The following CAPN7 variants were observed in gnomAD, a reference collection of about 807,000 sequenced individuals.
CAPN7 encodes calpain 7, also known as calpain-7.
Under a neutral mutation model 115.2 loss-of-function variants are expected in CAPN7, and 72 were observed. The ratio of observed to expected loss-of-function variants is 0.63; its 90% CI spans 0.52 to 0.76. CAPN7 has a LOEUF of 0.76. Among genes scored for constraint, CAPN7 ranks in the 30% least tolerant of loss-of-function variants. CAPN7 has a pLI of 0.00. For synonymous variants in CAPN7, 344 were observed against 322.3 expected, an observed-to-expected ratio of 1.07 and a Z score of -0.72; for missense variants, 905 against 971.5, an observed-to-expected ratio of 0.93 and a Z score of 0.91.
At chr3:15,244,431 C>T (rs977642845) in intron 16 of CAPN7, among the ~76,000 whole-genome samples, 2 of 152,092 alleles carry the variant, frequency 1.3e-5, no homozygotes, top group African/African-American at 4.8e-5. Context: ...ATAGGACAGG[C>T]CTTGTTCCCT....
intron 1 of CAPN7, among the ~76,000 whole-genome samples, chr3:15,208,062 G>T (rs1209103424): frequency 6.6e-6 from 1 of 152,120 alleles, no homozygotes; most frequent in African/African-American, 2.4e-5. Flanking sequence ...ATGACATTAT[G>T]ATGGCTATGA....
chr3:15,207,581 C>G (rs1176688259), intron 1 of CAPN7, among the ~76,000 whole-genome samples: 2 of 151,624 alleles, frequency 1.3e-5, no homozygotes, highest in South Asian at 4.1e-4. Context: ...TTAAAACGAA[C>G]TTATTGTGCA....
intron 8 of CAPN7, 41 bp from the exon 9 acceptor site, chr3:15,230,401 T>C (rs1207136432): frequency 2.3e-6 from 3 of 1,303,000 alleles, no homozygotes; most frequent in East Asian, 2.3e-5. Context: ...TGATATTGAA[T>C]ACTAATGTTG....
rs933683979 is a variant in CAPN7, at chr3:15,206,247, A to G, written c.-249A>G. The G allele has an allele frequency of 2.7e-6, 1 of 369,074 alleles. No homozygotes were observed. Among genetic ancestry groups the G allele is most frequent in the Non-Finnish European group, 4.9e-6 (1 of 203,446 alleles). 22.9% of individuals were successfully genotyped at this position (369,074 alleles called of 1,614,324 possible). A position where few individuals can be genotyped will look rare whatever the true frequency, so the allele number is the denominator to read the frequency against. On this transcript the variant is annotated 5_prime_UTR_variant, in exon 1 of 21. Coordinates refer to ENST00000253693, the MANE Select transcript of CAPN7 (RefSeq NM_014296.3). ...CGTCGGGCGGCTGGTGGGCGGGGCG[A>G]GGGCCGCTGGGGCCGCGAAGTGGGG...
At chr3:15,246,863 C>T in intron 18 of CAPN7, 69 bp downstream of exon 18, 2 of 1,188,042 alleles carry the variant, frequency 1.7e-6, no homozygotes, top group East Asian at 2.4e-5. Flanking sequence ...TCCCATTTCT[C>T]TCATTTTATT....
chr3:15,223,145 A>G (rs1156248754), intron 5 of CAPN7, among the ~76,000 whole-genome samples: 3 of 152,202 alleles, frequency 2.0e-5, no homozygotes, highest in Non-Finnish European at 2.9e-5. Flanking sequence ...TTCCAAAATA[A>G]CTTAAGCAAT....
intron 4 of CAPN7, among the ~76,000 whole-genome samples, chr3:15,219,692 A>T (rs1353605403): frequency 6.6e-6 from 1 of 152,198 alleles, no homozygotes; most frequent in African/African-American, 2.4e-5. Flanking sequence ...TTTTTTGCAT[A>T]TAATTTCAGA....
rs773171791 is a variant in CAPN7, at chr3:15,240,849, C to G, written c.1648C>G (p.His550Asp). The part of the protein sequence containing the change: ...PGLFKESTCI[H>D]STWDAKQGPV... The stretch of plus-strand genomic sequence containing the variant: ...TCTTTTTAAAGAATCAACATGTATT[C>G]ACAGGTAACTTTTTGCACATTGCAG... Residue 550 changes from histidine (H) to aspartate (D), a missense_variant, in exon 14 of 21, where the codon CAC (histidine) becomes GAC (aspartate). Coordinates refer to ENST00000253693, the MANE Select transcript of CAPN7 (RefSeq NM_014296.3). 1.9e-6 allele frequency: 3 copies of G among 1,590,852 alleles called. No homozygotes were observed. The South Asian group carries it at 3.3e-5, about 18-fold the overall frequency.
intron 2 of CAPN7, among the ~76,000 whole-genome samples, chr3:15,214,101 C>T (rs1487826439): frequency 6.6e-6 from 1 of 151,992 alleles, no homozygotes; most frequent in Non-Finnish European, 1.5e-5. Flanking sequence ...AGGATGGTCT[C>T]GATCTCCTGA....
intron 19 of CAPN7, among the ~76,000 whole-genome samples, chr3:15,250,428 G>C (rs1000808085): frequency 6.6e-6 from 1 of 152,054 alleles, no homozygotes; most frequent in Admixed American, 6.5e-5. Flanking sequence ...CAGCACTTTG[G>C]AAGGCCGAGG....
intron 16 of CAPN7, among the ~76,000 whole-genome samples, chr3:15,244,715 A>G (rs577538999): frequency 1.3e-4 from 20 of 152,346 alleles, no homozygotes; most frequent in Non-Finnish European, 2.4e-4. Flanking sequence ...TGATGGGACT[A>G]TCAAATAATA....
rs1413160556 is a variant in CAPN7 at position 15,245,512 on chromosome 3, T to G, written c.1865-14T>G. 8.7e-6 allele frequency: 14 copies of G among 1,605,290 alleles called. No homozygotes were observed. The highest frequency in any genetic ancestry group is 1.2e-5 in the Non-Finnish European group (14 of 1,176,680). ...AAAGTCTCCTTTTCTCTAAGCCTACTTGTTTGTTTGCAGCTGACCCACCTC... is the reference window on the plus strand; with the variant it reads ...AAAGTCTCCTTTTCTCTAAGCCTACGTGTTTGTTTGCAGCTGACCCACCTC... On this transcript the variant is annotated splice_polypyrimidine_tract_variant and intron_variant, in intron 16 of 20. Transcript: ENST00000253693.
intron 12 of CAPN7, among the ~76,000 whole-genome samples, chr3:15,236,846 G>A (rs1275864686): frequency 6.6e-6 from 1 of 152,212 alleles, no homozygotes; most frequent in Admixed American, 6.5e-5. Context: ...CACTTACATG[G>A]TTGGAGCTTG....
intron 4 of CAPN7, 64 bp from the exon 5 acceptor site, chr3:15,220,716 GT>G (rs1434369977): frequency 2.7e-6 from 4 of 1,464,242 alleles, no homozygotes; most frequent in Non-Finnish European, 3.8e-6. Context: ...AGTAAATTTT[GT>G]TTCCTGAAAA....
At chr3:15,247,785 G>A (rs975454701) in intron 19 of CAPN7, among the ~76,000 whole-genome samples, 1 of 152,032 alleles carries the variant, frequency 6.6e-6, no homozygotes, top group Non-Finnish European at 1.5e-5. Flanking sequence ...TTAAGACAAA[G>A]AGCATATTAA....
chr3:15,208,721 A>G (rs1205618840), intron 1 of CAPN7, among the ~76,000 whole-genome samples: 10 of 152,130 alleles, frequency 6.6e-5, no homozygotes, highest in Admixed American at 6.5e-4. Flanking sequence ...TTTTTGCCTG[A>G]ATTTTCTTTG....
rs755151623 is a variant in CAPN7 at position 15,242,196 on chromosome 3, C to T, written c.1807C>T (p.Arg603Ter). The part of the protein sequence containing the change: ...ITDKDDFANN[R>*]EFITMVVYKT... Reference sequence around the variant, plus strand: ...ATTTTAGGATGATTTTGCGAATAATCGAGAATTTATCACAATGGTTGTATA... The same window carrying T: ...ATTTTAGGATGATTTTGCGAATAATTGAGAATTTATCACAATGGTTGTATA... Residue 603 changes from arginine (R) to a stop codon, truncating the protein, a stop_gained, in exon 16 of 21, where the codon CGA becomes TGA. Coordinates refer to ENST00000253693, the MANE Select transcript of CAPN7 (RefSeq NM_014296.3). LOFTEE classifies it high-confidence loss of function. 6 of 1,601,270 alleles carry T rather than the reference C, an allele frequency of 3.7e-6. No individual in the cohort carries two copies. Among genetic ancestry groups the T allele is most frequent in the Admixed American group, 1.8e-5 (1 of 56,456 alleles).
intron 19 of CAPN7, among the ~76,000 whole-genome samples, chr3:15,248,166 A>AC (rs1695781318): frequency 1.3e-5 from 2 of 152,164 alleles, no homozygotes; most frequent in East Asian, 1.9e-4. Flanking sequence ...CCTAAAACTT[A>AC]AAGTATAATA....
At chr3:15,224,265 A>T (rs1388880989) in intron 6 of CAPN7, among the ~76,000 whole-genome samples, 1 of 145,260 alleles carries the variant, frequency 6.9e-6, no homozygotes, top group East Asian at 2.0e-4. Context: ...GATGTCCCAA[A>T]TTTTTTTTTT....
Sources: gnomAD v4.1 joint callset for allele counts (sites outside exome capture counted in the v4.1 genomes callset) on GRCh38, gnomAD v4.1.1 for gene constraint, MANE v1.5 for transcripts, NCBI Gene and HGNC (gene_info 2026-07-23, HGNC 2026-07-21) for gene names.